Variants in PLXDC2 observed in about 807,000 individuals in gnomAD.
The protein encoded by PLXDC2 is plexin domain-containing protein 2.
In PLXDC2, 40 loss-of-function variants were observed where a neutral mutation model predicts 68.9. The ratio of observed to expected loss-of-function variants is 0.58; its 90% CI spans 0.45 to 0.76. The LOEUF is 0.76. Among genes scored for constraint, PLXDC2 ranks in the 30% least tolerant of loss-of-function variants. The pLI, the probability that PLXDC2 is intolerant of heterozygous loss-of-function variation, is 0.00. For synonymous variants in PLXDC2, 243 were observed against 234.2 expected (o/e 1.04, Z -0.34); for missense variants, 644 against 661.9 (o/e 0.97, Z 0.30).
intron 13 of PLXDC2, among the ~76,000 whole-genome samples, chr10:20,247,782 A>G (rs1043690882): frequency 1.3e-5 from 2 of 152,226 alleles, no homozygotes; most frequent in African/African-American, 2.4e-5. Flanking sequence ...GATTCTGCCA[A>G]TATTTCCTGG....
intron 1 of PLXDC2, among the ~76,000 whole-genome samples, chr10:19,847,931 A>C (rs2131323508): frequency 6.6e-6 from 1 of 152,290 alleles, no homozygotes; most frequent in Non-Finnish European, 1.5e-5. Flanking sequence ...CTAACCATAG[A>C]ACTATTCATT....
At chr10:20,250,142 C>A (rs528759891) in intron 13 of PLXDC2, among the ~76,000 whole-genome samples, 22 of 151,996 alleles carry the variant, frequency 1.4e-4, no homozygotes, top group African/African-American at 5.3e-4. Context: ...GTGGTACGTG[C>A]CTGTAATCCC....
chr10:20,223,593 G>T (rs1835247394), intron 12 of PLXDC2, among the ~76,000 whole-genome samples: 1 of 152,092 alleles, frequency 6.6e-6, no homozygotes, highest in Non-Finnish European at 1.5e-5. Context: ...GATTACGGGT[G>T]TAAGCCATCC....
At position 20,098,357 on chromosome 10, in the gene PLXDC2, A is replaced by ATGTGTGTGTGTGTGTGTG. The variant is rs35209594; in HGVS notation, c.541+30128_541+30145dup. The stretch of plus-strand genomic sequence containing the variant: ...CCGTCATTTTCGTGCGTGTGTGTGT[A>ATGTGTGTGTGTGTGTGTG]TGTGTGTGTGTGTGTGTGTGTGTGT... On this transcript the variant is annotated intron_variant, in intron 4 of 13. Transcript: ENST00000377252. Among the ~76,000 whole-genome samples the ATGTGTGTGTGTGTGTGTG allele has an allele frequency of 6.2e-3, 896 of 145,450 alleles. 9 individuals are homozygous for ATGTGTGTGTGTGTGTGTG. Among genetic ancestry groups the ATGTGTGTGTGTGTGTGTG allele is most frequent in the South Asian group, 0.041 (179 of 4,366 alleles).
intron 2 of PLXDC2, among the ~76,000 whole-genome samples, chr10:20,036,571 C>A (rs1018978864): frequency 1.8e-4 from 28 of 152,116 alleles, no homozygotes; most frequent in African/African-American, 6.3e-4. Context: ...CCATCTTTTA[C>A]AAATGGTGAT....
intron 4 of PLXDC2, among the ~76,000 whole-genome samples, chr10:20,119,147 G>A (rs1406736220): frequency 6.6e-6 from 1 of 152,100 alleles, no homozygotes; most frequent in African/African-American, 2.4e-5. Context: ...TAACGAACAT[G>A]TAAGAGACAT....
intron 7 of PLXDC2, among the ~76,000 whole-genome samples, chr10:20,171,579 G>A (rs2131821307): frequency 6.6e-6 from 1 of 152,202 alleles, no homozygotes; most frequent in East Asian, 1.9e-4. Context: ...ATGTAAGCTA[G>A]TTGACTGACT....
chr10:20,140,714 A>T (rs7081479), intron 4 of PLXDC2, among the ~76,000 whole-genome samples: 4,335 of 152,196 alleles, frequency 0.028, 208 homozygotes, highest in African/African-American at 0.099. Context: ...CTTCACCAAG[A>T]AGTCAAGAAT....
At chr10:20,094,794 A>G (rs1205379575) in intron 4 of PLXDC2, among the ~76,000 whole-genome samples, 3 of 152,160 alleles carry the variant, frequency 2.0e-5, no homozygotes, top group East Asian at 1.9e-4. Context: ...GAGATCATTC[A>G]TGTGGAAGAC....
chr10:19,884,306 C>T (rs915400513), intron 1 of PLXDC2, among the ~76,000 whole-genome samples: 1 of 152,002 alleles, frequency 6.6e-6, no homozygotes, highest in Admixed American at 6.6e-5. Flanking sequence ...TAAAAAATTG[C>T]CCAAGAACTT....
intron 1 of PLXDC2, among the ~76,000 whole-genome samples, chr10:19,868,735 G>C (rs1029442589): frequency 1.3e-5 from 2 of 152,086 alleles, no homozygotes; most frequent in African/African-American, 4.8e-5. Context: ...CTTGAAAACT[G>C]TTTTAGTGTA....
At chr10:19,858,285 C>T (rs80324572) in intron 1 of PLXDC2, among the ~76,000 whole-genome samples, 1 of 152,216 alleles carries the variant, frequency 6.6e-6, no homozygotes, top group Non-Finnish European at 1.5e-5. Context: ...CTGCACCATG[C>T]AGCTAACCTG....
At chr10:19,846,712 G>C (rs113854044) in intron 1 of PLXDC2, among the ~76,000 whole-genome samples, 3,997 of 152,234 alleles carry the variant, frequency 0.026, 71 homozygotes, top group Non-Finnish European at 0.032. Flanking sequence ...AACATGGAAG[G>C]ACAGTCTCGT....
rs971743697 is a variant in PLXDC2 at position 20,270,959 on chromosome 10, A to AG, written c.1474-8744_1474-8743insG. On this transcript the variant is annotated intron_variant, in intron 13 of 13. Coordinates refer to ENST00000377252, the MANE Select transcript of PLXDC2 (RefSeq NM_032812.9). ...GGGTATCTTAAAAAAAAAAAACTGG[A>AG]AAAAAAAAAGGAATGGATATGGGTA... Among the ~76,000 whole-genome samples the AG allele has an allele frequency of 9.6e-5, 5 of 52,262 alleles. No individual in the cohort carries two copies. In the African/African-American group the frequency reaches 1.0e-3, roughly 11 times the overall value. The allele number at this position is 52,262 out of a possible 152,430, so 34.3% of individuals were successfully genotyped here.
At chr10:20,205,911 A>G (rs1834984637) in intron 9 of PLXDC2, among the ~76,000 whole-genome samples, 1 of 152,048 alleles carries the variant, frequency 6.6e-6, no homozygotes. Context: ...AGCATATTGT[A>G]TCTTTTGTAT....
At chr10:19,831,176 A>G (rs1056943548) in intron 1 of PLXDC2, among the ~76,000 whole-genome samples, 3 of 152,182 alleles carry the variant, frequency 2.0e-5, no homozygotes, top group African/African-American at 7.2e-5. Flanking sequence ...CATTCATCAG[A>G]TAAGTCATAA....
At chr10:19,958,669 G>T (rs575206526) in intron 1 of PLXDC2, among the ~76,000 whole-genome samples, 7 of 152,230 alleles carry the variant, frequency 4.6e-5, no homozygotes, top group African/African-American at 1.7e-4. Context: ...AAAGCTATCT[G>T]CCTTTTATCC....
intron 1 of PLXDC2, among the ~76,000 whole-genome samples, chr10:19,937,365 G>T (rs1833741520): frequency 6.6e-6 from 1 of 151,548 alleles, no homozygotes; most frequent in Non-Finnish European, 1.5e-5. Context: ...GCATCTTCCT[G>T]GGTCACCTGT....
chr10:19,908,187 C>T (rs1833201924), intron 1 of PLXDC2, among the ~76,000 whole-genome samples: 1 of 152,060 alleles, frequency 6.6e-6, no homozygotes, highest in Non-Finnish European at 1.5e-5. Flanking sequence ...CACAAAATTT[C>T]TGTCAACATA....
Sources: gnomAD v4.1 joint callset for allele counts (sites outside exome capture counted in the v4.1 genomes callset) on GRCh38, gnomAD v4.1.1 for gene constraint, MANE v1.5 for transcripts, NCBI Gene and HGNC (gene_info 2026-07-23, HGNC 2026-07-21) for gene names.